Variants in CFAP70 observed in about 807,000 individuals in gnomAD.
CFAP70 encodes cilia and flagella associated protein 70, also known as cilia- and flagella-associated protein 70.
A neutral mutation model predicts 137.6 loss-of-function variants in CFAP70; 81 were observed. That is an observed-to-expected ratio of 0.59 (90% CI 0.49 to 0.71). CFAP70 has a LOEUF of 0.71. CFAP70 is among the 30% of genes least tolerant of loss of function. The probability of loss-of-function intolerance (pLI) is 0.00; values close to 1 mark genes in which losing one functional copy is unlikely to be tolerated. For synonymous variants in CFAP70, 382 were observed against 423.6 expected (o/e 0.90, Z 1.20); for missense variants, 976 against 1,226.7 (o/e 0.80, Z 3.05).
chr10:73,333,721 T>C (rs1355851425), intron 7 of CFAP70, among the ~76,000 whole-genome samples: 5 of 152,210 alleles, frequency 3.3e-5, no homozygotes, highest in Non-Finnish European at 5.9e-5. Context: ...GAGGAGTTTC[T>C]GGCCAGTAGA....
intron 25 of CFAP70, among the ~76,000 whole-genome samples, chr10:73,256,699 C>G (rs568198866): frequency 1.3e-4 from 20 of 151,684 alleles, no homozygotes; most frequent in African/African-American, 4.8e-4. Context: ...GTCAGGAGAT[C>G]GAGATCATCC....
In CFAP70 at chr10:73,316,477, T is replaced by G. The variant is rs922013518; in HGVS notation, c.913-3834A>C. Among the ~76,000 whole-genome samples the G allele has an allele frequency of 7.3e-4, 83 of 113,674 alleles. 1 individual carries two copies. The highest frequency in any genetic ancestry group is 8.7e-4 in the Admixed American group (10 of 11,534). The allele number at this position is 113,674 out of a possible 152,430, so 74.6% of individuals were successfully genotyped here. On this transcript the variant is annotated intron_variant, in intron 9 of 26. Transcript: ENST00000310715. ...TCCTTTGTTGAGATATATATATATA[T>G]ATAGATATAGATATATATATATATA...
At chr10:73,345,113 A>T (rs760833772) in exon 5 of CFAP70, 1 of 1,614,132 alleles carries the variant, frequency 6.2e-7, no homozygotes, top group Non-Finnish European at 8.5e-7. Context: ...TCTGCCCAGG[A>T]CCTGTTGGAA....
Position 73,259,660 on chromosome 10 carries a change from ATAAC to A in CFAP70, c.3028-3248_3028-3245del, listed in dbSNP as rs575657573. ...CTTATTATAAATATTGGCAGAATTTATAACTAATAGAGGATTAGCATCCAGGTTA... is the reference window on the plus strand; with the variant it reads ...CTTATTATAAATATTGGCAGAATTTATAATAGAGGATTAGCATCCAGGTTA... On this transcript the variant is annotated intron_variant, in intron 25 of 26. Coordinates refer to ENST00000310715, the Ensembl canonical transcript of CFAP70. Among the ~76,000 whole-genome samples the A allele has an allele frequency of 2.1e-3, 313 of 152,350 alleles. 2 individuals carry two copies. Among genetic ancestry groups the A allele is most frequent in the Non-Finnish European group, 2.9e-3 (197 of 68,034 alleles).
chr10:73,351,001 ATGTGTGTATG>A (rs1026868374), intron 3 of CFAP70, among the ~76,000 whole-genome samples: 1 of 131,252 alleles, frequency 7.6e-6, no homozygotes, highest in African/African-American at 3.0e-5. Context: ...ATGTGTGTAT[ATGTGTGTATG>A]TGTGTGTATA....
intron 13 of CFAP70, 71 bp from the exon 15 acceptor site, chr10:73,299,172 G>T (rs2048750556): frequency 8.5e-7 from 1 of 1,174,444 alleles, no homozygotes; most frequent in Non-Finnish European, 1.2e-6. Context: ...TCTAAAACTG[G>T]ATTTGGTTTT....
At chr10:73,339,494 T>C (rs2053040791) in intron 6 of CFAP70, among the ~76,000 whole-genome samples, 1 of 152,206 alleles carries the variant, frequency 6.6e-6, no homozygotes, top group African/African-American at 2.4e-5. Flanking sequence ...AAATTTTGCT[T>C]GGGCCTGCTA....
chr10:73,269,744 A>T (rs761578415), intron 24 of CFAP70, 29 bp from the exon 26 acceptor site: 9 of 1,447,914 alleles, frequency 6.2e-6, no homozygotes, highest in Non-Finnish European at 8.7e-6. Context: ...CATGTGAGTT[A>T]GCTTAGCTGA....
At chr10:73,316,499 T>TATAG (rs2050389247) in intron 9 of CFAP70, among the ~76,000 whole-genome samples, 1 of 136,166 alleles carries the variant, frequency 7.3e-6, no homozygotes, top group African/African-American at 2.8e-5. Flanking sequence ...TATATATATA[T>TATAG]ATATATATAT....
intron 9 of CFAP70, among the ~76,000 whole-genome samples, chr10:73,313,714 G>A (rs1421629885): frequency 1.3e-5 from 2 of 152,020 alleles, no homozygotes; most frequent in Admixed American, 6.6e-5. Flanking sequence ...GTGGTTGCAT[G>A]CAGCTGTAAT....
intron 7 of CFAP70, among the ~76,000 whole-genome samples, chr10:73,332,594 C>T (rs536749892): frequency 1.3e-5 from 2 of 152,264 alleles, no homozygotes; most frequent in East Asian, 1.9e-4. Context: ...TACTTCTCCC[C>T]GACAATTTGC....
At chr10:73,327,863 T>C (rs1030340206) in intron 8 of CFAP70, among the ~76,000 whole-genome samples, 4 of 152,058 alleles carry the variant, frequency 2.6e-5, no homozygotes, top group Non-Finnish European at 4.4e-5. Flanking sequence ...GGAAGAACAT[T>C]CCATGCTCAT....
intron 24 of CFAP70, 71 bp downstream of exon 25, chr10:73,272,857 G>T (rs1205455886): frequency 7.6e-7 from 1 of 1,319,684 alleles, no homozygotes; most frequent in Admixed American, 2.0e-5. Context: ...AAACCCCCAG[G>T]ATGCTTGGAA....
chr10:73,309,563 T>TTTCAAAGTGCTGGGA (rs1274097172), intron 12 of CFAP70, among the ~76,000 whole-genome samples: 1 of 151,992 alleles, frequency 6.6e-6, no homozygotes, highest in African/African-American at 2.4e-5. Context: ...CGCCTTGGCC[T>TTTCAAAGTGCTGGGA]TTCAAAGTGC....
intron 26 of CFAP70, among the ~76,000 whole-genome samples, chr10:73,255,893 C>T (rs1363790596): frequency 6.6e-6 from 1 of 152,090 alleles, no homozygotes; most frequent in Non-Finnish European, 1.5e-5. Context: ...CAGCCATTCA[C>T]TTATGTATCA....
At chr10:73,259,150 C>A (rs535299319) in intron 25 of CFAP70, among the ~76,000 whole-genome samples, 125 of 152,104 alleles carry the variant, frequency 8.2e-4, no homozygotes, top group African/African-American at 2.7e-3. Flanking sequence ...TGTGATGTCT[C>A]CCCTGGACAC....
upstream of CFAP70, among the ~76,000 whole-genome samples, chr10:73,360,556 C>T (rs1194513618): frequency 6.6e-6 from 1 of 152,050 alleles, no homozygotes; most frequent in Non-Finnish European, 1.5e-5. Flanking sequence ...CTGGGAAGCC[C>T]TTTGCTTAGG....
chr10:73,348,257 G>C, intron 4 of CFAP70, 22 bp from the exon 5 acceptor site: 2 of 1,613,144 alleles, frequency 1.2e-6, no homozygotes, highest in Non-Finnish European at 1.7e-6. Context: ...AGCCCAAGTT[G>C]AGCCAAAGAA....
intron 3 of CFAP70, among the ~76,000 whole-genome samples, chr10:73,351,043 A>ATGTGTGTG: frequency 1.1e-5 from 1 of 92,070 alleles, no homozygotes; most frequent in African/African-American, 4.3e-5. Flanking sequence ...ATGTGTGTAT[A>ATGTGTGTG]TATGTGTGTG....
Sources: allele counts gnomAD v4.1 joint callset (sites outside exome capture counted in the v4.1 genomes callset), GRCh38; gene constraint gnomAD v4.1.1; transcripts MANE v1.5; gene names NCBI Gene and HGNC (gene_info 2026-07-23, HGNC 2026-07-21).